FOXP1: variants seen among roughly 807,000 people sequenced by gnomAD.
The protein encoded by FOXP1 is forkhead box P1.
In FOXP1, 15 loss-of-function variants were observed where a neutral mutation model predicts 98.2. The observed-to-expected ratio is 0.15, with a 90% confidence interval of 0.10 to 0.24. The LOEUF (loss-of-function observed/expected upper bound fraction) is 0.24, where lower values mean the gene tolerates loss of function less well. FOXP1 is among the 10% of genes least tolerant of loss of function. The pLI is 1.00. For synonymous variants in FOXP1, 371 were observed against 314.5 expected, an observed-to-expected ratio of 1.18 and a Z score of -1.90; for missense variants, 633 against 848.5, an observed-to-expected ratio of 0.75 and a Z score of 3.15.
At chr3:71,149,550 A>T (rs1231157066) in intron 6 of FOXP1, among the ~76,000 whole-genome samples, 2 of 152,234 alleles carry the variant, frequency 1.3e-5, no homozygotes, top group Non-Finnish European at 1.5e-5. Flanking sequence ...AGTATTTTTT[A>T]GAAAGATATA....
intron 4 of FOXP1, among the ~76,000 whole-genome samples, chr3:71,346,651 C>T (rs1221309412): frequency 6.6e-6 from 1 of 152,066 alleles, no homozygotes; most frequent in Non-Finnish European, 1.5e-5. Flanking sequence ...AAGACTTTTC[C>T]ATCTCAAGGG....
intron 19 of FOXP1, among the ~76,000 whole-genome samples, chr3:70,967,299 CACT>C (rs2035016707): frequency 6.6e-6 from 1 of 152,170 alleles, no homozygotes; most frequent in African/African-American, 2.4e-5. Context: ...CAGCCTCACT[CACT>C]GTACAAACCG....
chr3:71,278,982 A>G (rs2071215975), intron 5 of FOXP1, among the ~76,000 whole-genome samples: 1 of 152,020 alleles, frequency 6.6e-6, no homozygotes, highest in South Asian at 2.1e-4. Flanking sequence ...ACCTGAGGTC[A>G]GGAGTTCGAG....
At chr3:71,183,254 G>A (rs1436154740) in intron 6 of FOXP1, among the ~76,000 whole-genome samples, 1 of 152,136 alleles carries the variant, frequency 6.6e-6, no homozygotes, top group African/African-American at 2.4e-5. Context: ...AGCACTTTGG[G>A]AGGCCGAGGC....
At chr3:71,550,816 G>A (rs1050763657) in intron 2 of FOXP1, among the ~76,000 whole-genome samples, 2 of 152,130 alleles carry the variant, frequency 1.3e-5, no homozygotes, top group South Asian at 2.1e-4. Flanking sequence ...ATACCACTCC[G>A]CAGCATACAG....
At position 71,300,735 on chromosome 3, in the gene FOXP1, T is replaced by C. The variant is rs553912774; in HGVS notation, c.-72-855A>G. ...CTAAGAGGGTACAGGATTCATTCCA[T>C]ATCCATTGACCAAATGCTCATATAA... On this transcript the variant is annotated intron_variant, in intron 4 of 20. Coordinates refer to ENST00000649528, the MANE Select transcript of FOXP1 (RefSeq NM_001349338.3). Among the ~76,000 whole-genome samples the C allele has an allele frequency of 7.9e-5, 12 of 152,358 alleles. No homozygotes were observed. In the East Asian group the frequency reaches 1.3e-3, roughly 17 times the overall value.
chr3:71,120,825 C>A (rs2058706876), intron 6 of FOXP1, among the ~76,000 whole-genome samples: 1 of 152,206 alleles, frequency 6.6e-6, no homozygotes, highest in African/African-American at 2.4e-5. Context: ...CATATACTTA[C>A]AGACATGATT....
At chr3:71,404,141 T>TTTTTTTTTTTTTTTTTTTTC in intron 3 of FOXP1, among the ~76,000 whole-genome samples, 1 of 140,886 alleles carries the variant, frequency 7.1e-6, no homozygotes, top group Non-Finnish European at 1.5e-5. Context: ...TTTTTTTTTT[T>TTTTTTTTTTTTTTTTTTTTC]TTTGAGATGG....
At chr3:71,039,698 T>C (rs1034448566) in intron 11 of FOXP1, among the ~76,000 whole-genome samples, 2 of 148,954 alleles carry the variant, frequency 1.3e-5, no homozygotes, top group African/African-American at 5.0e-5. Context: ...AAACCAAGTA[T>C]AGCAAAGGAC....
intron 3 of FOXP1, among the ~76,000 whole-genome samples, chr3:71,450,795 T>C (rs999299351): frequency 9.6e-6 from 1 of 104,154 alleles, no homozygotes; most frequent in Non-Finnish European, 2.3e-5. Context: ...CTTTTTTTTT[T>C]TGAAGACCTA....
chr3:71,450,744 T>C (rs2086872090), intron 3 of FOXP1, among the ~76,000 whole-genome samples: 1 of 152,198 alleles, frequency 6.6e-6, no homozygotes, highest in Non-Finnish European at 1.5e-5. Context: ...GGTCATTTTT[T>C]TAATTTAAAG....
chr3:71,565,452 G>C (rs1263852213), intron 2 of FOXP1, among the ~76,000 whole-genome samples: 1 of 152,096 alleles, frequency 6.6e-6, no homozygotes, highest in Non-Finnish European at 1.5e-5. Flanking sequence ...AGTGATGGGG[G>C]GGGAGCTAAA....
At chr3:71,147,366 C>A (rs77368720) in intron 6 of FOXP1, among the ~76,000 whole-genome samples, 165 of 152,292 alleles carry the variant, frequency 1.1e-3, no homozygotes, top group African/African-American at 3.9e-3. Flanking sequence ...CATCTCATAT[C>A]ACCTTTACAA....
chr3:70,977,524 TATAGA>T (rs1015171985), intron 16 of FOXP1, 114 bp downstream of exon 16: 2 of 818,264 alleles, frequency 2.4e-6, no homozygotes, highest in Non-Finnish European at 2.0e-6. Context: ...TAAAAAACCT[TATAGA>T]AAAGGTTTCA....
At chr3:70,978,578 G>C (rs1227918518) in intron 14 of FOXP1, among the ~76,000 whole-genome samples, 1 of 152,114 alleles carries the variant, frequency 6.6e-6, no homozygotes, top group East Asian at 1.9e-4. Flanking sequence ...GCCCCATGTG[G>C]CTAGTAGCTA....
rs1575649493 is a variant in FOXP1 at position 70,959,151 on chromosome 3, C to A, written c.*96G>T. ...CGTAGTGAAAATCCTCCAGACTGTACAACAAATGGAGAACAATTTCACTGC... is the reference window on the plus strand; with the variant it reads ...CGTAGTGAAAATCCTCCAGACTGTAAAACAAATGGAGAACAATTTCACTGC... On this transcript the variant is annotated 3_prime_UTR_variant, in exon 21 of 21. Coordinates refer to ENST00000649528, the MANE Select transcript of FOXP1 (RefSeq NM_001349338.3). The A allele has an allele frequency of 7.0e-7, 1 of 1,438,194 alleles. No individual in the cohort carries two copies. The highest frequency in any genetic ancestry group is 9.7e-7 in the Non-Finnish European group (1 of 1,027,418). 89.1% of individuals were successfully genotyped at this position (1,438,194 alleles called of 1,614,324 possible). A position where few individuals can be genotyped will look rare whatever the true frequency, so the allele number is the denominator to read the frequency against.
intron 3 of FOXP1, among the ~76,000 whole-genome samples, chr3:71,417,291 C>T (rs1200397929): frequency 6.6e-6 from 1 of 152,152 alleles, no homozygotes; most frequent in Admixed American, 6.6e-5. Flanking sequence ...TGGTTTATTC[C>T]GGCATCTGTT....
At chr3:71,023,410 G>C (rs2045693703) in intron 11 of FOXP1, among the ~76,000 whole-genome samples, 2 of 152,154 alleles carry the variant, frequency 1.3e-5, no homozygotes, top group South Asian at 4.2e-4. Context: ...AGACACCTTG[G>C]GTTTCTAGAA....
chr3:71,380,867 T>C (rs867226338), intron 3 of FOXP1, among the ~76,000 whole-genome samples: 1 of 152,172 alleles, frequency 6.6e-6, no homozygotes, highest in Non-Finnish European at 1.5e-5. Flanking sequence ...TGTTGAGTCA[T>C]AGACGCTATC....
Sources: allele counts gnomAD v4.1 joint callset (sites outside exome capture counted in the v4.1 genomes callset), GRCh38; gene constraint gnomAD v4.1.1; transcripts MANE v1.5; gene names NCBI Gene and HGNC (gene_info 2026-07-23, HGNC 2026-07-21).